ARSJ: variants seen among roughly 807,000 people sequenced by gnomAD.
The protein encoded by ARSJ is arylsulfatase J.
ARSJ carries 26 observed loss-of-function variants against 35.9 expected under a neutral mutation model. That is an observed-to-expected ratio of 0.72 (90% CI 0.53 to 1.00). The LOEUF (loss-of-function observed/expected upper bound fraction) is 1.00, where lower values mean the gene tolerates loss of function less well. Ranked by LOEUF, ARSJ falls within the 50% of genes least tolerant of loss-of-function variation. The pLI is 0.00. For missense variants in ARSJ, 667 were observed against 723.6 expected (o/e 0.92, Z 0.90); for synonymous variants, 294 against 267.6 (o/e 1.10, Z -0.96).
intron 1 of ARSJ, among the ~76,000 whole-genome samples, chr4:113,919,376 T>C (rs112653543): frequency 0.018 from 2,811 of 152,302 alleles, 92 homozygotes; most frequent in South Asian, 0.061. Flanking sequence ...CACTTCTCTA[T>C]GTATTCACAT....
chr4:113,904,619 G>T (rs2099668181), intron 1 of ARSJ, among the ~76,000 whole-genome samples: 1 of 152,136 alleles, frequency 6.6e-6, no homozygotes, highest in South Asian at 2.1e-4. Context: ...GGAGTAGCTG[G>T]GACTACAGGC....
At chr4:113,973,452 C>T (rs903412548) in intron 1 of ARSJ, among the ~76,000 whole-genome samples, 8 of 152,084 alleles carry the variant, frequency 5.3e-5, no homozygotes. Flanking sequence ...AATTATTTGG[C>T]AAATCTCAAA....
intron 1 of ARSJ, among the ~76,000 whole-genome samples, chr4:113,927,462 G>A (rs991187727): frequency 2.0e-5 from 3 of 152,194 alleles, no homozygotes; most frequent in African/African-American, 4.8e-5. Context: ...AAGTGATCAA[G>A]TTCTCTCTGA....
chr4:113,977,676 T>C (rs1341490029), intron 1 of ARSJ, among the ~76,000 whole-genome samples: 1 of 152,258 alleles, frequency 6.6e-6, no homozygotes, highest in African/African-American at 2.4e-5. Context: ...GTTTGAACAA[T>C]TTAAGTAGAA....
At chr4:113,942,774 T>G (rs1725236257) in intron 1 of ARSJ, among the ~76,000 whole-genome samples, 1 of 152,052 alleles carries the variant, frequency 6.6e-6, no homozygotes, top group Non-Finnish European at 1.5e-5. Context: ...ATGAAGAAAA[T>G]TTACCACGTT....
chr4:113,970,346 C>T (rs1397700485), intron 1 of ARSJ: 3 of 152,206 alleles, frequency 2.0e-5, no homozygotes. Context: ...TTAAATAGCT[C>T]TGCTGCTTAA....
rs774669496 is a variant in ARSJ at position 113,902,785 on chromosome 4, T to G, written c.1289A>C (p.Lys430Thr). Reference sequence around the variant, plus strand: ...ATAGCCTGCTGCCCAGGAGCCATTTTTTGCCTTGGTGTATATGGGGTCAAT... The same window carrying G: ...ATAGCCTGCTGCCCAGGAGCCATTTGTTGCCTTGGTGTATATGGGGTCAAT... ...HNIDPIYTKAKNGSWAAGYGI... is the reference protein window; with the variant it reads ...HNIDPIYTKATNGSWAAGYGI... The change falls in exon 2 of 2, where the codon AAA (lysine) becomes ACA (threonine). Residue 430 changes from lysine (K) to threonine (T), a missense_variant. Physicochemically the swap from Lys to Thr is moderately conservative, Grantham distance 78. Coordinates refer to ENST00000315366, the MANE Select transcript of ARSJ (RefSeq NM_024590.4). The G allele has an allele frequency of 1.2e-6, 2 of 1,614,180 alleles. No individual in the cohort carries two copies. Among genetic ancestry groups the G allele is most frequent in the Non-Finnish European group, 1.7e-6 (2 of 1,180,028 alleles).
intron 1 of ARSJ, among the ~76,000 whole-genome samples, chr4:113,938,956 CA>C (rs1294949115): frequency 6.6e-6 from 1 of 151,596 alleles, no homozygotes; most frequent in African/African-American, 2.4e-5. Context: ...TACATGTGCA[CA>C]ATGTGCAGGT....
intron 1 of ARSJ, among the ~76,000 whole-genome samples, chr4:113,942,883 A>G (rs1725244390): frequency 6.6e-6 from 1 of 152,036 alleles, no homozygotes; most frequent in Non-Finnish European, 1.5e-5. Context: ...ATGTGAAGAA[A>G]ATATTTTGCC....
intron 1 of ARSJ, among the ~76,000 whole-genome samples, chr4:113,974,542 T>A (rs1296928788): frequency 6.6e-6 from 1 of 152,124 alleles, no homozygotes; most frequent in Non-Finnish European, 1.5e-5. Flanking sequence ...AAAGGGGATA[T>A]AAAATGGGTC....
At chr4:113,975,003 G>A (rs1727504237) in intron 1 of ARSJ, among the ~76,000 whole-genome samples, 1 of 152,142 alleles carries the variant, frequency 6.6e-6, no homozygotes, top group Non-Finnish European at 1.5e-5. Flanking sequence ...AGTATGTACA[G>A]GCAACAACAT....
intron 1 of ARSJ, among the ~76,000 whole-genome samples, chr4:113,968,143 A>C (rs757246558): frequency 3.9e-5 from 6 of 152,168 alleles, no homozygotes; most frequent in Admixed American, 3.3e-4. Context: ...TAATCCTCAT[A>C]ATAACCCCAT....
At chr4:113,922,210 A>G (rs1224071235) in intron 1 of ARSJ, among the ~76,000 whole-genome samples, 1 of 152,206 alleles carries the variant, frequency 6.6e-6, no homozygotes, top group Non-Finnish European at 1.5e-5. Context: ...ATATTATGTT[A>G]GAAAAGTACT....
intron 1 of ARSJ, among the ~76,000 whole-genome samples, chr4:113,940,711 T>A (rs377058637): frequency 6.6e-6 from 1 of 151,922 alleles, no homozygotes; most frequent in South Asian, 2.1e-4. Context: ...CAAAGATGGA[T>A]TTCGCCCACT....
intron 1 of ARSJ, among the ~76,000 whole-genome samples, chr4:113,949,581 T>C (rs1184476979): frequency 1.3e-5 from 2 of 152,130 alleles, no homozygotes; most frequent in East Asian, 1.9e-4. Context: ...CTTTCATCAT[T>C]CCATAGGTAT....
At chr4:113,962,414 T>C (rs1726605201) in intron 1 of ARSJ, among the ~76,000 whole-genome samples, 1 of 151,562 alleles carries the variant, frequency 6.6e-6, no homozygotes, top group East Asian at 1.9e-4. Flanking sequence ...TTGGTAGGCT[T>C]TGAAATGTGA....
intron 1 of ARSJ, among the ~76,000 whole-genome samples, chr4:113,946,017 T>G (rs1188905530): frequency 6.6e-6 from 1 of 152,088 alleles, no homozygotes; most frequent in Non-Finnish European, 1.5e-5. Context: ...ACATTTTTTT[T>G]TTCCTTAAGA....
chr4:113,932,059 T>C (rs1490248790), intron 1 of ARSJ, among the ~76,000 whole-genome samples: 1 of 152,072 alleles, frequency 6.6e-6, no homozygotes, highest in Non-Finnish European at 1.5e-5. Flanking sequence ...GTAGCTATAC[T>C]TTCTATACTT....
chr4:113,967,159 C>A (rs1221065896), intron 1 of ARSJ, among the ~76,000 whole-genome samples: 1 of 152,106 alleles, frequency 6.6e-6, no homozygotes. Flanking sequence ...TTTTCAACAT[C>A]TCTTTGAGCT....
Sources: allele counts gnomAD v4.1 joint callset (sites outside exome capture counted in the v4.1 genomes callset), GRCh38; gene constraint gnomAD v4.1.1; transcripts MANE v1.5; gene names NCBI Gene and HGNC (gene_info 2026-07-23, HGNC 2026-07-21).